ANO3: variants seen among roughly 807,000 people sequenced by gnomAD.
ANO3 encodes anoctamin 3.
ANO3 carries 99 observed loss-of-function variants against 144.8 expected under a neutral mutation model. The ratio of observed to expected loss-of-function variants is 0.68; its 90% confidence interval spans 0.58 to 0.81. ANO3 has a LOEUF of 0.81. Ranked by LOEUF, ANO3 falls within the 30% of genes least tolerant of loss-of-function variation. The pLI is 0.00. For missense variants in ANO3, 905 were observed against 1,202.2 expected (o/e 0.75, Z 3.66); for synonymous variants, 414 against 392.6 (o/e 1.05, Z -0.64).
intron 6 of ANO3, among the ~76,000 whole-genome samples, chr11:26,520,814 C>T (rs1174940615): frequency 6.6e-6 from 1 of 152,068 alleles, no homozygotes; most frequent in Non-Finnish European, 1.5e-5. Context: ...AAATTTTTAG[C>T]AAGCATTCCA....
At chr11:26,229,547 A>G (rs556843645) in intron 1 of ANO3, among the ~76,000 whole-genome samples, 172 of 152,336 alleles carry the variant, frequency 1.1e-3, no homozygotes, top group African/African-American at 4.0e-3. Context: ...AGTTCTGGGA[A>G]GGCAACCCCC....
intron 14 of ANO3, among the ~76,000 whole-genome samples, chr11:26,593,043 C>T (rs1851498458): frequency 6.6e-6 from 1 of 151,934 alleles, no homozygotes; most frequent in Non-Finnish European, 1.5e-5. Flanking sequence ...CTTCTATTTC[C>T]CTTTCCTTTC....
intron 17 of ANO3, among the ~76,000 whole-genome samples, chr11:26,601,604 G>A (rs760134424): frequency 5.3e-5 from 8 of 152,220 alleles, no homozygotes; most frequent in Non-Finnish European, 1.2e-4. Context: ...AGTATAGGTT[G>A]TGCACTGCAC....
chr11:26,245,063 A>G (rs1051883415), intron 1 of ANO3, among the ~76,000 whole-genome samples: 1 of 151,088 alleles, frequency 6.6e-6, no homozygotes, highest in East Asian at 1.9e-4. Flanking sequence ...TTTTTAAAAA[A>G]TAATTCCAAC....
intron 4 of ANO3, among the ~76,000 whole-genome samples, chr11:26,483,359 T>G (rs1439030777): frequency 6.6e-6 from 1 of 152,186 alleles, no homozygotes; most frequent in Non-Finnish European, 1.5e-5. Context: ...AAATCGCATG[T>G]TGAAATGTAA....
chr11:26,467,043 C>T (rs1416634282), intron 4 of ANO3, among the ~76,000 whole-genome samples: 1 of 151,846 alleles, frequency 6.6e-6, no homozygotes, highest in African/African-American at 2.4e-5. Context: ...ACTCTATTTA[C>T]AAAAGTGCCT....
chr11:26,567,048 T>C, intron 14 of ANO3: 1 of 1,500,822 alleles, frequency 6.7e-7, no homozygotes, highest in Admixed American at 2.2e-5. Flanking sequence ...TATTTGATAC[T>C]TACAACAATC....
intron 17 of ANO3, among the ~76,000 whole-genome samples, chr11:26,615,414 A>ATATATATATATT (rs1352935016): frequency 6.7e-4 from 88 of 130,684 alleles, no homozygotes; most frequent in Middle Eastern, 4.2e-3. Context: ...ATATATATAT[A>ATATATATATATT]TTTTTTTTTT....
chr11:26,569,912 C>A (rs935681680), intron 14 of ANO3, among the ~76,000 whole-genome samples: 1 of 151,774 alleles, frequency 6.6e-6, no homozygotes, highest in African/African-American at 2.4e-5. Flanking sequence ...CAGGAGAACC[C>A]AGTAATGATT....
chr11:26,223,386 A>C (rs1420683626), intron 1 of ANO3, among the ~76,000 whole-genome samples: 1 of 152,062 alleles, frequency 6.6e-6, no homozygotes, highest in Non-Finnish European at 1.5e-5. Context: ...TTCAGTGTCT[A>C]TATTTCTATC....
At chr11:26,525,553 C>T (rs1849140198) in intron 6 of ANO3, 82 bp from the exon 7 acceptor site, 4 of 1,114,590 alleles carry the variant, frequency 3.6e-6, no homozygotes, top group Non-Finnish European at 4.0e-6. Context: ...TAGAAATGCT[C>T]AATATGATTG....
rs989419186 is a variant in ANO3, at chr11:26,492,407, A to G, written c.433-15697A>G. On this transcript the variant is annotated intron_variant, in intron 4 of 26. Transcript: ENST00000256737. ...CTGATTAGTAGAACTTATCTGTTCA[A>G]TAAAACTACCTTTGGTCAGCTCCAT... Among the ~76,000 whole-genome samples, 13 of 152,334 alleles carry G rather than the reference A, an allele frequency of 8.5e-5. No homozygotes were observed. In the East Asian group the frequency reaches 1.4e-3, roughly 16 times the overall value.
chr11:26,308,204 A>G (rs562316435), upstream of ANO3, among the ~76,000 whole-genome samples: 1 of 152,326 alleles, frequency 6.6e-6, no homozygotes, highest in East Asian at 1.9e-4. Flanking sequence ...AAAACAATGA[A>G]GAGACCTGGA....
intron 14 of ANO3, among the ~76,000 whole-genome samples, chr11:26,589,036 G>C (rs920043464): frequency 6.6e-6 from 1 of 152,150 alleles, no homozygotes; most frequent in African/African-American, 2.4e-5. Context: ...ACTTATGGTA[G>C]TCCTGGGGAA....
chr11:26,237,900 G>A (rs1852570786), intron 1 of ANO3, among the ~76,000 whole-genome samples: 1 of 152,054 alleles, frequency 6.6e-6, no homozygotes, highest in Non-Finnish European at 1.5e-5. Flanking sequence ...GTTTATGACT[G>A]TCACAAGTTA....
rs200191911 is a variant in ANO3 at position 26,565,653 on chromosome 11, G to A, written c.1447+5874G>A. 27 of 1,613,326 alleles carry A rather than the reference G, an allele frequency of 1.7e-5. No homozygotes were observed. Among genetic ancestry groups the A allele is most frequent in the Middle Eastern group, 1.6e-4 (1 of 6,062 alleles). ...TAGATTCAAAGGAGGGGAATGACTC[G>A]CCTTGAGATTTGAGGTGGTTATATT... On this transcript the variant is annotated intron_variant, in intron 14 of 26. Coordinates refer to ENST00000256737, the MANE Select transcript of ANO3 (RefSeq NM_031418.4).
intron 1 of ANO3, among the ~76,000 whole-genome samples, chr11:26,436,258 G>C (rs900704883): frequency 6.6e-6 from 1 of 152,324 alleles, no homozygotes. Context: ...TGCTGTGAGA[G>C]AGCAAAGATG....
chr11:26,654,818 T>A (rs10835049), intron 24 of ANO3, among the ~76,000 whole-genome samples: 77,911 of 151,376 alleles, frequency 0.51, 21,000 homozygotes, highest in South Asian at 0.71. Context: ...CAGTTGAATT[T>A]TATAAAACAT....
At chr11:26,521,623 T>C (rs1862079659) in intron 6 of ANO3, among the ~76,000 whole-genome samples, 1 of 152,192 alleles carries the variant, frequency 6.6e-6, no homozygotes, top group Admixed American at 6.5e-5. Context: ...CTACATTTTC[T>C]AGTTTTTGTC....
Sources: gnomAD v4.1 joint callset for allele counts (sites outside exome capture counted in the v4.1 genomes callset) on GRCh38, gnomAD v4.1.1 for gene constraint, MANE v1.5 for transcripts, NCBI Gene and HGNC (gene_info 2026-07-23, HGNC 2026-07-21) for gene names.